LRP1B: variants seen among roughly 807,000 people sequenced by gnomAD.
LRP1B encodes LDL receptor related protein 1B.
LRP1B carries 217 observed loss-of-function variants against 556.6 expected under a neutral mutation model. The observed-to-expected ratio is 0.39, with a 90% confidence interval of 0.35 to 0.44. The LOEUF is 0.44. Among genes scored for constraint, LRP1B ranks in the 20% least tolerant of loss-of-function variants. LRP1B has a pLI of 1.00. For synonymous variants in LRP1B, 2,047 were observed against 1,865.8 expected (o/e 1.10, Z -2.50); for missense variants, 5,053 against 5,620.8 (o/e 0.90, Z 3.23).
intron 2 of LRP1B, among the ~76,000 whole-genome samples, chr2:141,763,508 C>T (rs1440332305): frequency 6.6e-6 from 1 of 152,070 alleles, no homozygotes; most frequent in East Asian, 1.9e-4. Context: ...AAACAGAACA[C>T]AAGTATCTCT....
rs2105359243 is a variant in LRP1B at position 140,994,127 on chromosome 2, C to A, written c.2512G>T (p.Gly838Ter). The change falls in exon 16 of 91, where the codon GGA becomes TGA. Residue 838 changes from glycine (G) to a stop codon, truncating the protein, a stop_gained. Coordinates refer to ENST00000389484, the MANE Select transcript of LRP1B (RefSeq NM_018557.3). LOFTEE classifies it high-confidence loss of function. ...TTACATATGTGAGGTAGTGCTTCTC[C>A]AGGATTAACTAGAGTTAAAAAAACC... is the stretch of plus-strand genomic sequence containing the variant. ...ENGTTCTFNP[G>*]EALPHICKAG... 1 of 1,612,106 alleles carries A rather than the reference C, an allele frequency of 6.2e-7. No homozygotes were observed. Among genetic ancestry groups the A allele is most frequent in the Non-Finnish European group, 8.5e-7 (1 of 1,178,840 alleles).
At chr2:141,331,037 C>T (rs962915379) in intron 3 of LRP1B, among the ~76,000 whole-genome samples, 2 of 152,112 alleles carry the variant, frequency 1.3e-5, no homozygotes, top group Admixed American at 1.3e-4. Context: ...GGATTACAGG[C>T]GTGACAAACC....
chr2:140,800,107 A>T (rs1252392718), intron 32 of LRP1B, among the ~76,000 whole-genome samples: 1 of 152,212 alleles, frequency 6.6e-6, no homozygotes, highest in Non-Finnish European at 1.5e-5. Context: ...AGGGACATGG[A>T]TGAAGCTGAA....
At chr2:140,419,409 A>G (rs1685339460) in intron 66 of LRP1B, among the ~76,000 whole-genome samples, 1 of 152,204 alleles carries the variant, frequency 6.6e-6, no homozygotes, top group Non-Finnish European at 1.5e-5. Flanking sequence ...ATACACAAAA[A>G]TTCATAAGGA....
At chr2:140,663,490 G>T (rs1685166499) in intron 41 of LRP1B, among the ~76,000 whole-genome samples, 1 of 152,158 alleles carries the variant, frequency 6.6e-6, no homozygotes, top group African/African-American at 2.4e-5. Context: ...TTATTGTATG[G>T]AGACGGCTTC....
At chr2:140,746,932 G>GA (rs1161930209) in intron 35 of LRP1B, among the ~76,000 whole-genome samples, 34 of 151,658 alleles carry the variant, frequency 2.2e-4, no homozygotes, top group Non-Finnish European at 3.8e-4. Flanking sequence ...GAAAAATTAA[G>GA]AAAAAAAATC....
intron 35 of LRP1B, among the ~76,000 whole-genome samples, chr2:140,762,043 C>G (rs774989354): frequency 2.6e-5 from 4 of 151,982 alleles, no homozygotes; most frequent in Admixed American, 6.6e-5. Context: ...TGAAGCTGTG[C>G]CATGAGTCTT....
intron 3 of LRP1B, among the ~76,000 whole-genome samples, chr2:141,309,673 T>C (rs1367897691): frequency 6.6e-6 from 1 of 151,756 alleles, no homozygotes; most frequent in Admixed American, 6.6e-5. Flanking sequence ...TGAGAACACA[T>C]GGACACAGAG....
At chr2:141,860,647 A>C (rs1698208752) in intron 1 of LRP1B, among the ~76,000 whole-genome samples, 1 of 152,200 alleles carries the variant, frequency 6.6e-6, no homozygotes. Flanking sequence ...TGAATATTAA[A>C]TGTTGAAAAG....
chr2:140,248,896 G>A (rs1169347461), intron 86 of LRP1B, among the ~76,000 whole-genome samples: 1 of 150,956 alleles, frequency 6.6e-6, no homozygotes, highest in African/African-American at 2.4e-5. Flanking sequence ...CCGAGAATAT[G>A]TCATATGCTC....
At chr2:141,226,377 G>T (rs375935737) in intron 6 of LRP1B, among the ~76,000 whole-genome samples, 17 of 151,840 alleles carry the variant, frequency 1.1e-4, no homozygotes, top group Non-Finnish European at 2.4e-4. Flanking sequence ...AGATGCAGTG[G>T]GTATCCAGTG....
At chr2:141,321,865 G>A (rs1687255748) in intron 3 of LRP1B, among the ~76,000 whole-genome samples, 1 of 152,030 alleles carries the variant, frequency 6.6e-6, no homozygotes, top group Non-Finnish European at 1.5e-5. Context: ...AGCTGTTTTA[G>A]TATATTTGAT....
chr2:141,926,777 T>C (rs1479884712), intron 1 of LRP1B, among the ~76,000 whole-genome samples: 1 of 152,158 alleles, frequency 6.6e-6, no homozygotes, highest in East Asian at 1.9e-4. Context: ...CTCCTTTTGC[T>C]AAATCGATCC....
intron 41 of LRP1B, among the ~76,000 whole-genome samples, chr2:140,654,050 AAGAG>A (rs1302463240): frequency 6.7e-6 from 1 of 149,870 alleles, no homozygotes; most frequent in Non-Finnish European, 1.5e-5. Context: ...AAAAAAAAAA[AAGAG>A]AGAGAGTTTA....
At chr2:141,909,945 T>C (rs1394190786) in intron 1 of LRP1B, among the ~76,000 whole-genome samples, 2 of 152,084 alleles carry the variant, frequency 1.3e-5, no homozygotes, top group Non-Finnish European at 2.9e-5. Flanking sequence ...TAATTTTAAC[T>C]ACACCTTTTC....
chr2:140,326,644 G>A (rs1480576490), intron 79 of LRP1B, among the ~76,000 whole-genome samples: 1 of 151,924 alleles, frequency 6.6e-6, no homozygotes, highest in African/African-American at 2.4e-5. Flanking sequence ...GAACCTGGGA[G>A]GCAGAGGTCA....
chr2:140,371,222 A>G lies in LRP1B; in HGVS notation c.10832T>C (p.Leu3611Ser), dbSNP rs780664085. Residue 3611 changes from leucine to serine, a missense_variant, in exon 70 of 91, where the codon TTG becomes TCG. Coordinates refer to ENST00000389484, the MANE Select transcript of LRP1B (RefSeq NM_018557.3). ...CASDGCISAS[L>S]KCNGEYDCAD... is the part of the protein sequence containing the mutation. The stretch of plus-strand genomic sequence containing the variant: ...ACAATCATATTCTCCATTACATTTC[A>G]AAGATGCTGAAATACATCCATCACT... The G allele has an allele frequency of 1.6e-5, 26 of 1,597,810 alleles. 1 individual carries two copies. Among genetic ancestry groups the G allele is most frequent in the Middle Eastern group, 1.7e-4 (1 of 5,974 alleles).
At chr2:140,620,121 C>T (rs969777758) in intron 41 of LRP1B, among the ~76,000 whole-genome samples, 19 of 152,184 alleles carry the variant, frequency 1.2e-4, no homozygotes, top group African/African-American at 4.6e-4. Flanking sequence ...TAGGAATCAA[C>T]ATTTTATTCA....
At chr2:141,204,371 A>G (rs1444178385) in intron 6 of LRP1B, among the ~76,000 whole-genome samples, 4 of 152,312 alleles carry the variant, frequency 2.6e-5, no homozygotes, top group African/African-American at 4.8e-5. Flanking sequence ...AAGTTGTTAG[A>G]ACATCTGTGA....
Sources: gnomAD v4.1 joint callset for allele counts (sites outside exome capture counted in the v4.1 genomes callset) on GRCh38, gnomAD v4.1.1 for gene constraint, MANE v1.5 for transcripts, NCBI Gene and HGNC (gene_info 2026-07-23, HGNC 2026-07-21) for gene names.